The following HCN3 variants were observed in gnomAD, a reference collection of about 807,000 sequenced individuals.
HCN3 encodes the protein potassium/sodium hyperpolarization-activated cyclic nucleotide-gated channel 3.
In HCN3, 36 loss-of-function variants were observed where a neutral mutation model predicts 56.8. The observed-to-expected ratio is 0.63, with a 90% CI of 0.49 to 0.84. The LOEUF is 0.84. Among genes scored for constraint, HCN3 ranks in the 40% least tolerant of loss-of-function variants. HCN3 has a pLI of 0.00. For synonymous variants in HCN3, 425 were observed against 439.7 expected (o/e 0.97, Z 0.42); for missense variants, 930 against 1,079.3 (o/e 0.86, Z 1.94).
At chr1:155,283,102 C>T (rs1402959418) in intron 2 of HCN3, among the ~76,000 whole-genome samples, 1 of 152,106 alleles carries the variant, frequency 6.6e-6, no homozygotes, top group Non-Finnish European at 1.5e-5. Flanking sequence ...CTGCCGGACA[C>T]ACTTTAGAGT....
rs748700666 is a variant in HCN3 at position 155,288,104 on chromosome 1, C to T, written c.1966C>T (p.Pro656Ser). The T allele has an allele frequency of 5.0e-6, 8 of 1,607,726 alleles. No individual in the cohort carries two copies. Among genetic ancestry groups the T allele is most frequent in the Non-Finnish European group, 6.8e-6 (8 of 1,178,624 alleles). Residue 656 changes from proline (P) to serine (S), a missense_variant, in exon 8 of 8, where the codon CCG becomes TCG. Pro to Ser is a moderately conservative substitution (Grantham distance 74). Transcript: ENST00000368358. The surrounding 1 kb of genome is among the most constrained non-coding windows in gnomAD (Gnocchi z 6.5). ...GCGCTCAGCAGGCTCTCCAGCTTCC[C>T]CGCTGGTGCCCGTCCGAGCTGGCCC... ...AWRSAGSPAS[P>S]LVPVRAGPWA...
Position 155,288,429 on chromosome 1 carries a change from C to T in HCN3, c.2291C>T (p.Thr764Ile). 1 of 1,607,386 alleles carries T rather than the reference C, an allele frequency of 6.2e-7. No homozygotes were observed. The highest frequency in any genetic ancestry group is 8.5e-7 in the Non-Finnish European group (1 of 1,177,492). The change falls in exon 8 of 8, where the codon ACA becomes ATA. Residue 764 changes from threonine to isoleucine, a missense_variant. Thr to Ile is a moderately conservative substitution (Grantham distance 89). Transcript: ENST00000368358. This position sits in a 1 kb window ranked among gnomAD's most constrained non-coding sequence, Gnocchi z 6.5. ...PPRPPVPEPATPRGLQLSANM is the reference protein window; with the variant it reads ...PPRPPVPEPAIPRGLQLSANM ...AGGCCACCAGTGCCTGAGCCAGCCA[C>T]ACCCCGGGGTCTCCAGCTTTCTGCC... is the stretch of plus-strand genomic sequence containing the variant.
Position 155,284,741 on chromosome 1 carries a change from G to A in HCN3, c.1073G>A (p.Arg358His), listed in dbSNP as rs201556891. Residue 358 changes from arginine to histidine, a missense_variant, in exon 4 of 8, where the codon CGT becomes CAT. Physicochemically the swap from Arg to His is conservative, Grantham distance 29. Transcript: ENST00000368358. This position sits in a 1 kb window ranked among gnomAD's most constrained non-coding sequence, Gnocchi z 4.3. ...ALIQSLDSSRRQYQEKYKQVE... is the reference protein window; with the variant it reads ...ALIQSLDSSRHQYQEKYKQVE... ...ATCCAGTCCCTGGACTCTTCCCGGC[G>A]TCAGTACCAGGAGAAGGTCAGCAGG... is the stretch of plus-strand genomic sequence containing the variant. 20 of 1,613,788 alleles carry A rather than the reference G, an allele frequency of 1.2e-5. No homozygotes were observed. Among genetic ancestry groups the A allele is most frequent in the Admixed American group, 1.7e-5 (1 of 59,988 alleles).
Position 155,287,153 on chromosome 1 carries a change from C to T in HCN3, c.1478-20C>T. ...TGGGGACAAGGACGGGGTTCTGAAG[C>T]TTCCTCCCAATTTCTGCAGAGATCT... is the stretch of plus-strand genomic sequence containing the variant. On this transcript the variant is annotated intron_variant, in intron 6 of 7. Transcript: ENST00000368358. The T allele has an allele frequency of 6.2e-7, 1 of 1,609,646 alleles. No homozygotes were observed.
Position 155,288,328 on chromosome 1 carries a change from G to T in HCN3, c.2190G>T (p.Gly730=). The change falls in exon 8 of 8, where the codon GGG becomes GGT. Residue 730 remains glycine (G), a synonymous_variant. Coordinates refer to ENST00000368358, the MANE Select transcript of HCN3 (RefSeq NM_020897.3). The surrounding 1 kb of genome is among the most constrained non-coding windows in gnomAD (Gnocchi z 6.5). ...GGGCAACAGGCGATGGCTCTCCTGG[G>T]CGTAAGGGATCAGGAAGTGAGCGGC... ...PQRATGDGSP[G]RKGSGSERLP... The T allele has an allele frequency of 6.2e-7, 1 of 1,613,802 alleles. No individual in the cohort carries two copies. The highest frequency in any genetic ancestry group is 8.5e-7 in the Non-Finnish European group (1 of 1,179,970).
In HCN3 at chr1:155,284,029, T is replaced by C. The variant is rs150455097; in HGVS notation, c.764T>C (p.Ile255Thr). The change falls in exon 3 of 8, where the codon ATT becomes ACT. Residue 255 changes from isoleucine to threonine, a missense_variant. Physicochemically the swap from Ile to Thr is moderately conservative, Grantham distance 89. Transcript: ENST00000368358. The surrounding 1 kb of genome is among the most constrained non-coding windows in gnomAD (Gnocchi z 4.3). ...GCTGTGGTTCGCATCTTCAACCTCA[T>C]TGGGATGATGCTGCTGCTATGTCAC... ...ASAVVRIFNL[I>T]GMMLLLCHWD... 59 of 1,614,076 alleles carry C rather than the reference T, an allele frequency of 3.7e-5. No homozygotes were observed. The African/African-American group carries it at 5.9e-4, about 16-fold the overall frequency.
rs763111047 is a variant in HCN3, at chr1:155,288,260, C to T, written c.2122C>T (p.Arg708Trp). 41 of 1,597,468 alleles carry T rather than the reference C, an allele frequency of 2.6e-5. No individual in the cohort carries two copies. Among genetic ancestry groups the T allele is most frequent in the Admixed American group, 1.6e-4 (9 of 57,484 alleles). ...AGGAGGTGGACGGCGGCTAGGACCT[C>T]GGGGCCGCCCACTCTCAGCCTCCCA... ...PGGGGRRLGP[R>W]GRPLSASQPS... is the part of the protein sequence containing the mutation. Residue 708 changes from arginine (R) to tryptophan (W), a missense_variant, in exon 8 of 8, where the codon CGG becomes TGG. Arg to Trp is a moderately radical substitution (Grantham distance 101). Transcript: ENST00000368358. The surrounding 1 kb of genome is among the most constrained non-coding windows in gnomAD (Gnocchi z 6.5).
Position 155,282,572 on chromosome 1 carries a change from C to T in HCN3, c.440C>T (p.Thr147Met), listed in dbSNP as rs781074367. The T allele has an allele frequency of 3.7e-6, 6 of 1,614,272 alleles. No individual in the cohort carries two copies. The highest frequency in any genetic ancestry group is 3.4e-6 in the Non-Finnish European group (4 of 1,180,052). Residue 147 changes from threonine (T) to methionine (M), a missense_variant, in exon 2 of 8, where the codon ACG becomes ATG. Coordinates refer to ENST00000368358, the MANE Select transcript of HCN3 (RefSeq NM_020897.3). The surrounding 1 kb of genome is among the most constrained non-coding windows in gnomAD (Gnocchi z 4.7). Reference protein sequence around the residue: ...FLLDLVLNFRTGIVVEEGAEI... With the variant: ...FLLDLVLNFRMGIVVEEGAEI... ...CTGGATCTGGTGCTCAACTTCCGAA[C>T]GGGCATCGTGGTGGAGGAGGGTGCT...
chr1:155,278,004 A>G (rs1673879037), intron 1 of HCN3, 136 bp downstream of exon 1: 1 of 1,109,788 alleles, frequency 9.0e-7, no homozygotes, highest in Non-Finnish European at 1.3e-6. Flanking sequence ...CGGGAGAGTC[A>G]CTTGCACCAG....
chr1:155,288,313 C>T lies in HCN3; in HGVS notation c.2175C>T (p.Gly725=), dbSNP rs761819074. 9.3e-6 allele frequency: 15 copies of T among 1,613,234 alleles called. No individual in the cohort carries two copies. The highest frequency in any genetic ancestry group is 1.6e-4 in the Middle Eastern group (1 of 6,082). ...CCTCTCTGCCTCAGCGGGCAACAGG[C>T]GATGGCTCTCCTGGGCGTAAGGGAT... The part of the protein sequence containing the change: ...SQPSLPQRAT[G]DGSPGRKGSG... The change falls in exon 8 of 8, where the codon GGC becomes GGT. Residue 725 remains glycine, a synonymous_variant. Coordinates refer to ENST00000368358, the MANE Select transcript of HCN3 (RefSeq NM_020897.3). This position sits in a 1 kb window ranked among gnomAD's most constrained non-coding sequence, Gnocchi z 6.5.
rs1674134252 is a variant in HCN3 at position 155,282,994 on chromosome 1, G to A, written c.708+154G>A. Among the ~76,000 whole-genome samples, 1 of 152,044 alleles carries A rather than the reference G, an allele frequency of 6.6e-6. No homozygotes were observed. Among genetic ancestry groups the A allele is most frequent in the Admixed American group, 6.6e-5 (1 of 15,248 alleles). ...AGATGGGTGGGGCTTCCGTGCGTGA[G>A]CTCTCTCCAAAACTGGTGGGGGAGA... On this transcript the variant is annotated intron_variant, in intron 2 of 7. Coordinates refer to ENST00000368358, the MANE Select transcript of HCN3 (RefSeq NM_020897.3). This position sits in a 1 kb window ranked among gnomAD's most constrained non-coding sequence, Gnocchi z 4.7.
In HCN3 at chr1:155,288,001, C is replaced by G; in HGVS notation, c.1863C>G (p.Ala621=). 6.2e-7 allele frequency: 1 copy of G among 1,614,052 alleles called. No homozygotes were observed. The highest frequency in any genetic ancestry group is 1.1e-5 in the South Asian group (1 of 91,074). The change falls in exon 8 of 8, where the codon GCC becomes GCG. Residue 621 remains alanine, a synonymous_variant. Transcript: ENST00000368358. The surrounding 1 kb of genome is among the most constrained non-coding windows in gnomAD (Gnocchi z 6.5). ...LQAAAVTSNV[A]IALTHQRGPL... is the part of the protein sequence containing the mutation. ...CAGCTGCTGTGACCTCCAATGTGGC[C>G]ATTGCCCTGACTCATCAGCGGGGCC...
At chr1:155,286,392 G>A (rs1296441837) in intron 6 of HCN3, among the ~76,000 whole-genome samples, 2 of 152,110 alleles carry the variant, frequency 1.3e-5, no homozygotes, top group Non-Finnish European at 2.9e-5. Flanking sequence ...TGATCCGCCC[G>A]CCTCAGCCTC....
In HCN3 at chr1:155,289,136, G is replaced by A. The variant is rs1255257353; in HGVS notation, c.*673G>A. ...TAGACCATCTTTTTGTAAACTGCGA[G>A]CTTCCTCTTCCCTGTACCCTCTGCC... On this transcript the variant is annotated 3_prime_UTR_variant, in exon 8 of 8. Coordinates refer to ENST00000368358, the MANE Select transcript of HCN3 (RefSeq NM_020897.3). The A allele has an allele frequency of 6.6e-6, 1 of 152,416 alleles. No homozygotes were observed. The highest frequency in any genetic ancestry group is 1.5e-5 in the Non-Finnish European group (1 of 68,114). 9.4% of individuals were successfully genotyped at this position (152,416 alleles called of 1,614,324 possible).
In HCN3 at chr1:155,277,572, T is replaced by G. The variant is rs1369618157; in HGVS notation, c.-19T>G. The G allele has an allele frequency of 3.2e-6, 5 of 1,554,358 alleles. No individual in the cohort carries two copies. The highest frequency in any genetic ancestry group is 4.3e-6 in the Non-Finnish European group (5 of 1,151,486). ...ACAGAGGGCTCTAGGAGGCCGAGCG[T>G]GTAAGCGGGGTGGGCGCCATGGAGG... On this transcript the variant is annotated 5_prime_UTR_variant, in exon 1 of 8. Coordinates refer to ENST00000368358, the MANE Select transcript of HCN3 (RefSeq NM_020897.3).
intron 2 of HCN3, among the ~76,000 whole-genome samples, chr1:155,283,250 A>G (rs1674147216): frequency 6.6e-6 from 1 of 152,138 alleles, no homozygotes; most frequent in South Asian, 2.1e-4. Flanking sequence ...TGTTTACTAT[A>G]GGAGACTTGG....
rs1673866960 is a variant in HCN3 at position 155,277,809 on chromosome 1, C to T, written c.219C>T (p.Ile73=). The T allele has an allele frequency of 1.2e-6, 2 of 1,612,500 alleles. No individual in the cohort carries two copies. Among genetic ancestry groups the T allele is most frequent in the Non-Finnish European group, 1.7e-6 (2 of 1,179,908 alleles). The change falls in exon 1 of 8, where the codon ATC becomes ATT. Residue 73 remains isoleucine (I), a synonymous_variant. Coordinates refer to ENST00000368358, the MANE Select transcript of HCN3 (RefSeq NM_020897.3). ...TCGGCAGCCACAAAGCAGTGGAAATCGAGCAGGAGCGGGTGAAGTCAGCGG... is the reference window on the plus strand; with the variant it reads ...TCGGCAGCCACAAAGCAGTGGAAATTGAGCAGGAGCGGGTGAAGTCAGCGG... ...RVFGSHKAVE[I]EQERVKSAGA...
intron 1 of HCN3, chr1:155,278,628 T>G (rs1385486479): frequency 1.3e-5 from 2 of 152,360 alleles, no homozygotes; most frequent in Non-Finnish European, 1.5e-5. Context: ...CAGGGATGTG[T>G]GCAAAGCACC....
Position 155,285,845 on chromosome 1 carries a change from A to G in HCN3, c.1358A>G (p.Asp453Gly). Residue 453 changes from aspartate (D) to glycine (G), a missense_variant, in exon 6 of 8, where the codon GAT becomes GGT. Physicochemically the swap from Asp to Gly is moderately conservative, Grantham distance 94. Transcript: ENST00000368358. The surrounding 1 kb of genome is among the most constrained non-coding windows in gnomAD (Gnocchi z 4.5). ...KLRFEVFQPG[D>G]LVVREGSVGR... ...CGCTTTGAGGTCTTCCAGCCGGGGGATCTCGTGGTGCGTGAGGGCTCCGTG... is the reference window on the plus strand; with the variant it reads ...CGCTTTGAGGTCTTCCAGCCGGGGGGTCTCGTGGTGCGTGAGGGCTCCGTG... 1.9e-6 allele frequency: 3 copies of G among 1,613,920 alleles called. No individual in the cohort carries two copies. Among genetic ancestry groups the G allele is most frequent in the South Asian group, 2.2e-5 (2 of 91,052 alleles).
Sources: gnomAD v4.1 joint callset for allele counts (sites outside exome capture counted in the v4.1 genomes callset) on GRCh38, gnomAD v4.1.1 for gene constraint, Gnocchi (gnomAD v3.1) non-coding constraint, MANE v1.5 for transcripts, NCBI Gene and HGNC (gene_info 2026-07-23, HGNC 2026-07-21) for gene names.